The following GNA14 variants were observed in gnomAD, a reference collection of about 807,000 sequenced individuals.
GNA14 encodes the protein guanine nucleotide-binding protein subunit alpha-14.
GNA14 carries 50 observed loss-of-function variants against 42.0 expected under a neutral mutation model. The observed-to-expected ratio is 1.19, with a 90% CI of 0.95 to 1.51. The LOEUF (loss-of-function observed/expected upper bound fraction) is 1.51, where lower values mean the gene tolerates loss of function less well. Among genes scored for constraint, GNA14 ranks in the 40% most tolerant of loss-of-function variants. The probability of loss-of-function intolerance (pLI) is 0.00; values close to 1 mark genes in which losing one functional copy is unlikely to be tolerated. For synonymous variants in GNA14, 173 were observed against 163.1 expected (o/e 1.06, Z -0.46); for missense variants, 473 against 446.2 (o/e 1.06, Z -0.54).
In GNA14 at chr9:77,597,686, T is replaced by C. The variant is rs145674598; in HGVS notation, c.124+49984A>G. Among the ~76,000 whole-genome samples the C allele has an allele frequency of 9.2e-4, 140 of 151,468 alleles. No homozygotes were observed. The South Asian group carries it at 0.011, about 12-fold the overall frequency. On this transcript the variant is annotated intron_variant, in intron 1 of 6. Transcript: ENST00000341700. ...CGCAATTACTTTTGCACTAAATGAA[T>C]AGAATCTTTTCCAAGAAGACAGAAA...
intron 2 of GNA14, among the ~76,000 whole-genome samples, chr9:77,502,618 T>C (rs1309989316): frequency 6.6e-6 from 1 of 152,122 alleles, no homozygotes; most frequent in Non-Finnish European, 1.5e-5. Flanking sequence ...TGTTGTCCAG[T>C]GCTGAAAGTC....
At chr9:77,449,279 G>A (rs1835869218) in intron 2 of GNA14, among the ~76,000 whole-genome samples, 1 of 152,170 alleles carries the variant, frequency 6.6e-6, no homozygotes, top group African/African-American at 2.4e-5. Flanking sequence ...ACACAATGAT[G>A]AAATCACCTA....
intron 2 of GNA14, among the ~76,000 whole-genome samples, chr9:77,460,053 C>A (rs1010971436): frequency 1.3e-5 from 2 of 152,214 alleles, no homozygotes; most frequent in African/African-American, 4.8e-5. Context: ...ATCCTCCAAA[C>A]CTCCCATCAG....
At position 77,590,287 on chromosome 9, in the gene GNA14, T is replaced by C. The variant is rs563801382; in HGVS notation, c.124+57383A>G. Among the ~76,000 whole-genome samples, 7 of 152,204 alleles carry C rather than the reference T, an allele frequency of 4.6e-5. No individual in the cohort carries two copies. The South Asian group carries it at 1.5e-3, about 32-fold the overall frequency. ...CCTTTGTGATCAAGTCCTAAGAAAT[T>C]TCCTCCTGTAAAATTAAGTTTCTAG... On this transcript the variant is annotated intron_variant, in intron 1 of 6. Coordinates refer to ENST00000341700, the MANE Select transcript of GNA14 (RefSeq NM_004297.4).
At chr9:77,600,101 A>G (rs1004742519) in intron 1 of GNA14, among the ~76,000 whole-genome samples, 2 of 152,228 alleles carry the variant, frequency 1.3e-5, no homozygotes, top group Admixed American at 6.5e-5. Context: ...ATTAATAATA[A>G]TAACAAAAGC....
intron 1 of GNA14, among the ~76,000 whole-genome samples, chr9:77,601,308 G>A (rs556844254): frequency 1.3e-5 from 2 of 152,224 alleles, no homozygotes; most frequent in South Asian, 2.1e-4. Context: ...CTGAACTAAG[G>A]AGCAAAAAGA....
chr9:77,534,025 GATT>G (rs1296556002), intron 1 of GNA14, among the ~76,000 whole-genome samples: 1 of 152,114 alleles, frequency 6.6e-6, no homozygotes, highest in East Asian at 1.9e-4. Flanking sequence ...TCACCTGTGT[GATT>G]ATTTAATATT....
chr9:77,465,257 C>G (rs985887897), intron 2 of GNA14, among the ~76,000 whole-genome samples: 1 of 152,202 alleles, frequency 6.6e-6, no homozygotes, highest in South Asian at 2.1e-4. Flanking sequence ...TTTTCTATGT[C>G]GGACACCACA....
At chr9:77,580,778 G>C in intron 1 of GNA14, 1 of 189,376 alleles carries the variant, frequency 5.3e-6, no homozygotes, top group Non-Finnish European at 1.2e-5. Flanking sequence ...AAGGTGTTGT[G>C]CATGATGTTT....
At chr9:77,494,006 C>T (rs917033596) in intron 2 of GNA14, among the ~76,000 whole-genome samples, 27 of 152,124 alleles carry the variant, frequency 1.8e-4, no homozygotes, top group Middle Eastern at 3.2e-3. Flanking sequence ...CAGCAACCTC[C>T]GCCTCCCGGG....
chr9:77,573,652 G>C (rs771037911), intron 1 of GNA14, among the ~76,000 whole-genome samples: 1 of 152,134 alleles, frequency 6.6e-6, no homozygotes, highest in East Asian at 1.9e-4. Flanking sequence ...GGGAAATCTT[G>C]CACCAAAATC....
At chr9:77,625,555 G>C (rs151201345) in intron 1 of GNA14, among the ~76,000 whole-genome samples, 2 of 152,286 alleles carry the variant, frequency 1.3e-5, no homozygotes, top group African/African-American at 4.8e-5. Flanking sequence ...AACTCTATAA[G>C]CCAAAAGAGA....
At chr9:77,489,699 G>C (rs1587795063) in intron 2 of GNA14, among the ~76,000 whole-genome samples, 1 of 152,052 alleles carries the variant, frequency 6.6e-6, no homozygotes, top group Non-Finnish European at 1.5e-5. Context: ...CCTTCGCGGT[G>C]AGTGTTACAG....
intron 1 of GNA14, among the ~76,000 whole-genome samples, chr9:77,537,052 G>C (rs1837607144): frequency 1.3e-5 from 2 of 152,070 alleles, no homozygotes; most frequent in African/African-American, 4.8e-5. Context: ...CCATCACCTT[G>C]AGTATTTATC....
intron 1 of GNA14, among the ~76,000 whole-genome samples, chr9:77,591,911 TTTTTTGG>T (rs1172998616): frequency 8.5e-6 from 1 of 118,258 alleles, no homozygotes. Flanking sequence ...CCGTTTTTTG[TTTTTTGG>T]TTTTTTTTTT....
At chr9:77,428,853 A>G (rs1835497439) in intron 5 of GNA14, 54 bp downstream of exon 5, 5 of 1,578,990 alleles carry the variant, frequency 3.2e-6, no homozygotes, top group Non-Finnish European at 4.3e-6. Flanking sequence ...CTTCTTAGAA[A>G]CCACAGAATA....
chr9:77,621,688 G>A (rs1823925517), intron 1 of GNA14, among the ~76,000 whole-genome samples: 2 of 152,190 alleles, frequency 1.3e-5, no homozygotes, highest in African/African-American at 4.8e-5. Context: ...GGAAGCTCAA[G>A]CAGTTTTCTG....
chr9:77,521,836 G>GT (rs1236906716), intron 2 of GNA14, among the ~76,000 whole-genome samples: 1 of 151,900 alleles, frequency 6.6e-6, no homozygotes, highest in South Asian at 2.1e-4. Context: ...AAATCATATG[G>GT]TACATATTTT....
intron 4 of GNA14, among the ~76,000 whole-genome samples, chr9:77,429,767 C>T (rs1835514138): frequency 1.3e-5 from 2 of 152,324 alleles, no homozygotes; most frequent in South Asian, 2.1e-4. Context: ...CAGAACAAGA[C>T]GCAGGCTTGC....
Sources: allele counts gnomAD v4.1 joint callset (sites outside exome capture counted in the v4.1 genomes callset), GRCh38; gene constraint gnomAD v4.1.1; transcripts MANE v1.5; gene names NCBI Gene and HGNC (gene_info 2026-07-23, HGNC 2026-07-21).